WWP1: variants seen among roughly 807,000 people sequenced by gnomAD.
WWP1 encodes the protein NEDD4-like E3 ubiquitin-protein ligase WWP1.
A neutral mutation model predicts 130.6 loss-of-function variants in WWP1; 49 were observed. The observed-to-expected ratio is 0.38, with a 90% confidence interval of 0.30 to 0.48. WWP1 has a LOEUF of 0.48. Among genes scored for constraint, WWP1 ranks in the 20% least tolerant of loss-of-function variants. WWP1 has a pLI of 0.99. For synonymous variants in WWP1, 332 were observed against 367.8 expected (o/e 0.90, Z 1.11); for missense variants, 809 against 1,100.6 (o/e 0.74, Z 3.75).
At chr8:86,407,344 G>A (rs1808338709) in intron 8 of WWP1, among the ~76,000 whole-genome samples, 2 of 152,124 alleles carry the variant, frequency 1.3e-5, no homozygotes, top group Non-Finnish European at 2.9e-5. Context: ...ACACTGCCAG[G>A]TGGATGGGCA....
At chr8:86,345,545 A>G (rs1337587718) in intron 1 of WWP1, among the ~76,000 whole-genome samples, 5 of 151,816 alleles carry the variant, frequency 3.3e-5, no homozygotes, top group African/African-American at 1.2e-4. Flanking sequence ...GAATAGCTTG[A>G]ACTACAGGCG....
chr8:86,425,137 T>C (rs1489331907), intron 9 of WWP1, 86 bp from the exon 10 acceptor site: 4 of 1,000,730 alleles, frequency 4.0e-6, no homozygotes, highest in Admixed American at 2.4e-5. Context: ...AGCTTATCTG[T>C]AATTTTTCTG....
chr8:86,357,185 T>G (rs557800200), intron 1 of WWP1, among the ~76,000 whole-genome samples: 106 of 152,324 alleles, frequency 7.0e-4, no homozygotes, highest in Non-Finnish European at 5.6e-4. Flanking sequence ...TGTTCTATGT[T>G]CCAATTCTCA....
intron 16 of WWP1, among the ~76,000 whole-genome samples, chr8:86,437,765 A>T (rs1810374365): frequency 6.6e-6 from 1 of 152,210 alleles, no homozygotes; most frequent in South Asian, 2.1e-4. Context: ...ACATAGAGTC[A>T]GTTAACACAT....
chr8:86,387,275 A>G (rs1238154736), intron 5 of WWP1, among the ~76,000 whole-genome samples: 1 of 152,128 alleles, frequency 6.6e-6, no homozygotes, highest in Non-Finnish European at 1.5e-5. Context: ...TTTATTGGAA[A>G]GATATTTATA....
chr8:86,402,703 A>G (rs1808060581), intron 8 of WWP1, among the ~76,000 whole-genome samples: 6 of 152,246 alleles, frequency 3.9e-5, no homozygotes, highest in Admixed American at 3.9e-4. Flanking sequence ...AGATATTTCA[A>G]AAATATTTTA....
intron 3 of WWP1, among the ~76,000 whole-genome samples, chr8:86,375,381 G>A (rs978360969): frequency 2.0e-5 from 3 of 151,866 alleles, no homozygotes; most frequent in Non-Finnish European, 4.4e-5. Context: ...CATTTAGAGA[G>A]GTCTGGCTAC....
At chr8:86,407,228 TC>T (rs1808331986) in intron 8 of WWP1, among the ~76,000 whole-genome samples, 1 of 152,200 alleles carries the variant, frequency 6.6e-6, no homozygotes, top group Admixed American at 6.5e-5. Context: ...TACCATCCTG[TC>T]CTTCCTCTTT....
At chr8:86,457,754 T>C (rs192701705) in intron 21 of WWP1, among the ~76,000 whole-genome samples, 167 bp from the exon 22 acceptor site, 8 of 152,334 alleles carry the variant, frequency 5.3e-5, no homozygotes, top group Admixed American at 4.6e-4. Context: ...TCCTTTATGC[T>C]AAATTGCCAC....
intron 23 of WWP1, 41 bp from the exon 24 acceptor site, chr8:86,461,733 T>G: frequency 6.5e-7 from 1 of 1,548,918 alleles, no homozygotes; most frequent in Non-Finnish European, 8.9e-7. Flanking sequence ...AGAAAAAAGT[T>G]TAAAGGACCA....
At chr8:86,396,565 A>ATT (rs57138089) in intron 5 of WWP1, among the ~76,000 whole-genome samples, 71 of 139,672 alleles carry the variant, frequency 5.1e-4, no homozygotes, top group Middle Eastern at 3.6e-3. Context: ...TGGTTTAAAC[A>ATT]TTTTTTTTTT....
chr8:86,405,189 T>G (rs916215651), intron 8 of WWP1: 2 of 152,232 alleles, frequency 1.3e-5, no homozygotes, highest in African/African-American at 2.4e-5. Context: ...TTACTTTTTC[T>G]AATTAAGGAT....
chr8:86,453,718 T>C (rs1811294300), intron 21 of WWP1, among the ~76,000 whole-genome samples: 1 of 152,180 alleles, frequency 6.6e-6, no homozygotes, highest in Admixed American at 6.5e-5. Context: ...TTTCTTGTTT[T>C]GGTTTTTTGC....
chr8:86,351,587 C>G (rs750198696), intron 1 of WWP1, among the ~76,000 whole-genome samples: 10 of 151,762 alleles, frequency 6.6e-5, no homozygotes, highest in Admixed American at 1.3e-4. Context: ...CCTCGACCTC[C>G]CATAGTGCTG....
chr8:86,383,907 G>A (rs1031865590), intron 5 of WWP1, among the ~76,000 whole-genome samples: 2 of 152,170 alleles, frequency 1.3e-5, no homozygotes, highest in African/African-American at 4.8e-5. Flanking sequence ...AAATTAGTTT[G>A]CAAGGGCTGC....
At chr8:86,458,239 C>A (rs1463885963) in intron 22 of WWP1, among the ~76,000 whole-genome samples, 1 of 152,100 alleles carries the variant, frequency 6.6e-6, no homozygotes, top group African/African-American at 2.4e-5. Flanking sequence ...AGTTGAGTGA[C>A]AGAATCTTAT....
At chr8:86,406,212 G>C (rs1808271685) in intron 8 of WWP1, among the ~76,000 whole-genome samples, 1 of 152,176 alleles carries the variant, frequency 6.6e-6, no homozygotes, top group Non-Finnish European at 1.5e-5. Context: ...TTTATGAAAA[G>C]AGGATAATAT....
chr8:86,380,691 A>G (rs1824934204), intron 3 of WWP1, 35 bp from the exon 4 acceptor site: 2 of 1,577,378 alleles, frequency 1.3e-6, no homozygotes, highest in Non-Finnish European at 1.7e-6. Flanking sequence ...ACTTTTTGGC[A>G]ACACATACTC....
At chr8:86,379,779 G>A (rs1824876781) in intron 3 of WWP1, among the ~76,000 whole-genome samples, 1 of 152,176 alleles carries the variant, frequency 6.6e-6, no homozygotes, top group Non-Finnish European at 1.5e-5. Context: ...AAGTGCCACA[G>A]TTATGTAATT....
Sources: allele counts gnomAD v4.1 joint callset (sites outside exome capture counted in the v4.1 genomes callset), GRCh38; gene constraint gnomAD v4.1.1; transcripts MANE v1.5; gene names NCBI Gene and HGNC (gene_info 2026-07-23, HGNC 2026-07-21).